STOX1: variants seen among roughly 807,000 people sequenced by gnomAD.
The protein encoded by STOX1 is storkhead-box protein 1.
A neutral mutation model predicts 74.8 loss-of-function variants in STOX1; 57 were observed. The observed-to-expected ratio is 0.76, with a 90% CI of 0.62 to 0.95. STOX1 has a LOEUF of 0.95. Ranked by LOEUF, STOX1 falls within the 40% of genes least tolerant of loss-of-function variation. The pLI is 0.00. For missense variants in STOX1, 1,010 were observed against 1,117.0 expected, an observed-to-expected ratio of 0.90 and a Z score of 1.37; for synonymous variants, 375 against 401.3, an observed-to-expected ratio of 0.93 and a Z score of 0.78.
chr10:68,848,622 G>C (rs1008754567), intron 1 of STOX1, among the ~76,000 whole-genome samples: 4 of 152,134 alleles, frequency 2.6e-5, no homozygotes, highest in Admixed American at 1.3e-4. Context: ...ACTTAGGAGA[G>C]GGCCCAGCAC....
In STOX1 at chr10:68,876,999, T is replaced by G. The variant is rs1405435126; in HGVS notation, c.311-4959T>G. Among the ~76,000 whole-genome samples the G allele has an allele frequency of 2.0e-5, 3 of 152,166 alleles. No individual in the cohort carries two copies. The East Asian group carries it at 5.8e-4, about 29-fold the overall frequency. On this transcript the variant is annotated intron_variant, in intron 1 of 3. Transcript: ENST00000298596. ...TGATCCCCATGTCTGTCATAAGTGTTCCCGTGTCAGGGTGCACTCAGCTTT... is the reference window on the plus strand; with the variant it reads ...TGATCCCCATGTCTGTCATAAGTGTGCCCGTGTCAGGGTGCACTCAGCTTT...
chr10:68,886,296 T>C lies in STOX1; in HGVS notation c.2500T>C (p.Tyr834His), dbSNP rs1412431146. Residue 834 changes from tyrosine (Y) to histidine (H), a missense_variant, in exon 3 of 4, where the codon TAC becomes CAC. Coordinates refer to ENST00000298596, the MANE Select transcript of STOX1 (RefSeq NM_152709.5). The stretch of plus-strand genomic sequence containing the variant: ...TTCAGGGGCCCAGTTTGGTTTTAAC[T>C]ACGAAGAAGAACCCAGTGTTGCTAA... ...LNSGAQFGFN[Y>H]EEEPSVAKCV... 6.2e-7 allele frequency: 1 copy of C among 1,614,124 alleles called. No homozygotes were observed. Among genetic ancestry groups the C allele is most frequent in the Non-Finnish European group, 8.5e-7 (1 of 1,180,024 alleles).
chr10:68,884,481 G>C lies in STOX1; in HGVS notation c.685G>C (p.Glu229Gln). Residue 229 changes from glutamate (E) to glutamine (Q), a missense_variant, in exon 3 of 4, where the codon GAG becomes CAG. Coordinates refer to ENST00000298596, the MANE Select transcript of STOX1 (RefSeq NM_152709.5). ...TYLVSMESCAESAQENAAPIS... is the reference protein window; with the variant it reads ...TYLVSMESCAQSAQENAAPIS... ...TCTGGTGAGCATGGAGAGCTGTGCA[G>C]AGTCAGCCCAAGAGAATGCTGCCCC... is the stretch of plus-strand genomic sequence containing the variant. 1 of 1,613,784 alleles carries C rather than the reference G, an allele frequency of 6.2e-7. No homozygotes were observed. Among genetic ancestry groups the C allele is most frequent in the South Asian group, 1.1e-5 (1 of 91,090 alleles).
At chr10:68,860,603 G>A (rs1244551289) in intron 1 of STOX1, among the ~76,000 whole-genome samples, 1 of 148,392 alleles carries the variant, frequency 6.7e-6, no homozygotes, top group Admixed American at 6.7e-5. Flanking sequence ...GGTCTAATTG[G>A]CCACACTTAT....
At chr10:68,888,515 T>C (rs984532540) in intron 3 of STOX1, among the ~76,000 whole-genome samples, 2 of 152,186 alleles carry the variant, frequency 1.3e-5, no homozygotes, top group African/African-American at 4.8e-5. Flanking sequence ...ACTGAGTTAC[T>C]ATTTTGCATG....
chr10:68,885,464 T>G lies in STOX1; in HGVS notation c.1668T>G (p.Asn556Lys). 1 of 1,614,124 alleles carries G rather than the reference T, an allele frequency of 6.2e-7. No individual in the cohort carries two copies. Among genetic ancestry groups the G allele is most frequent in the Middle Eastern group, 1.6e-4 (1 of 6,062 alleles). Residue 556 changes from asparagine (N) to lysine (K), a missense_variant, in exon 3 of 4, where the codon AAT (asparagine) becomes AAG (lysine). Physicochemically the swap from Asn to Lys is moderately conservative, Grantham distance 94. Transcript: ENST00000298596. Reference sequence around the variant, plus strand: ...AAGAGCCATATGCTGAACAACCTAATGATAAAATGGAAGCAGAATCCATTT... The same window carrying G: ...AAGAGCCATATGCTGAACAACCTAAGGATAAAATGGAAGCAGAATCCATTT... The part of the protein sequence containing the change: ...KAKEPYAEQP[N>K]DKMEAESIYI...
intron 1 of STOX1, among the ~76,000 whole-genome samples, chr10:68,838,719 G>GCTA (rs752557385): frequency 1.3e-5 from 2 of 152,016 alleles, no homozygotes; most frequent in Non-Finnish European, 2.9e-5. Context: ...GACCATCCTG[G>GCTA]CTAACATGGT....
chr10:68,860,546 G>C (rs1437994157), intron 1 of STOX1, among the ~76,000 whole-genome samples: 2 of 144,662 alleles, frequency 1.4e-5, no homozygotes, highest in Non-Finnish European at 3.0e-5. Flanking sequence ...CTCCAGCCTG[G>C]GTAACAGAGT....
rs1840909181 is a variant in STOX1 at position 68,885,101 on chromosome 10, C to T, written c.1305C>T (p.Ala435=). 1 of 1,613,044 alleles carries T rather than the reference C, an allele frequency of 6.2e-7. No individual in the cohort carries two copies. The highest frequency in any genetic ancestry group is 1.7e-5 in the Admixed American group (1 of 59,868). ...ATTCTCGAAGGGATAGACACAAAGC[C>T]AGGAATCAGGGAAGTGAGTTTCAGC... ...QGHSRRDRHK[A]RNQGSEFQPG... is the part of the protein sequence containing the mutation. Residue 435 remains alanine (A), a synonymous_variant, in exon 3 of 4, where the codon GCC becomes GCT. Coordinates refer to ENST00000298596, the MANE Select transcript of STOX1 (RefSeq NM_152709.5).
intron 1 of STOX1, among the ~76,000 whole-genome samples, chr10:68,878,989 AG>A (rs1327715053): frequency 6.6e-6 from 1 of 152,198 alleles, no homozygotes; most frequent in Non-Finnish European, 1.5e-5. Flanking sequence ...TCAGACCTGC[AG>A]TGTGAACATC....
intron 1 of STOX1, among the ~76,000 whole-genome samples, chr10:68,832,506 C>T (rs1196486569): frequency 6.6e-6 from 1 of 152,080 alleles, no homozygotes; most frequent in Non-Finnish European, 1.5e-5. Flanking sequence ...AACCCCATCT[C>T]TATTAAAAAT....
chr10:68,829,036 T>A, intron 1 of STOX1: 2 of 982,724 alleles, frequency 2.0e-6, no homozygotes, highest in Non-Finnish European at 2.4e-6. Flanking sequence ...TTGTCTGCAT[T>A]TATGTGAGGC....
chr10:68,844,489 G>A (rs1250172182), intron 1 of STOX1, among the ~76,000 whole-genome samples: 3 of 151,654 alleles, frequency 2.0e-5, no homozygotes, highest in East Asian at 2.0e-4. Context: ...AGTAGAGATC[G>A]GGTTTCACCA....
chr10:68,843,146 C>T lies in STOX1; in HGVS notation c.310+15213C>T, dbSNP rs114103676. Among the ~76,000 whole-genome samples the T allele has an allele frequency of 4.3e-3, 654 of 152,262 alleles. 6 individuals carry two copies. The highest frequency in any genetic ancestry group is 0.015 in the African/African-American group (635 of 41,568). On this transcript the variant is annotated intron_variant, in intron 1 of 3. Transcript: ENST00000298596. ...CTCAGACTCCTGGACTCAAGCCATC[C>T]TTCTGCCTCAGCCTCCTGAATAGCT... is the stretch of plus-strand genomic sequence containing the variant.
intron 3 of STOX1, among the ~76,000 whole-genome samples, chr10:68,889,420 G>C (rs961196224): frequency 1.3e-5 from 2 of 152,132 alleles, no homozygotes; most frequent in African/African-American, 2.4e-5. Context: ...TGGCCTCCCA[G>C]TTGTGGGATT....
At chr10:68,881,299 T>A (rs1840808007) in intron 1 of STOX1, among the ~76,000 whole-genome samples, 1 of 152,230 alleles carries the variant, frequency 6.6e-6, no homozygotes, top group African/African-American at 2.4e-5. Context: ...ACTTTGGTCC[T>A]GTATTAAGCC....
intron 1 of STOX1, among the ~76,000 whole-genome samples, chr10:68,873,879 G>A (rs1840609336): frequency 6.6e-6 from 1 of 150,560 alleles, no homozygotes; most frequent in African/African-American, 2.4e-5. Flanking sequence ...TCGAACCCCT[G>A]ACCTCGTGAT....
intron 1 of STOX1, among the ~76,000 whole-genome samples, chr10:68,864,983 T>C (rs1481393090): frequency 2.0e-5 from 3 of 152,222 alleles, no homozygotes; most frequent in Admixed American, 1.3e-4. Flanking sequence ...ACTAAGGTCC[T>C]CAAGTAGGAG....
At chr10:68,854,901 T>TG (rs144211195) in intron 1 of STOX1, among the ~76,000 whole-genome samples, 1 of 152,184 alleles carries the variant, frequency 6.6e-6, no homozygotes, top group African/African-American at 2.4e-5. Flanking sequence ...TTGCTTGAGT[T>TG]GGAGACCAGC....
Sources: allele counts gnomAD v4.1 joint callset (sites outside exome capture counted in the v4.1 genomes callset), GRCh38; gene constraint gnomAD v4.1.1; transcripts MANE v1.5; gene names NCBI Gene and HGNC (gene_info 2026-07-23, HGNC 2026-07-21).